Variants in PPP6R1 observed in about 807,000 individuals in gnomAD.
PPP6R1 encodes the protein protein phosphatase 6 regulatory subunit 1, also known as serine/threonine-protein phosphatase 6 regulatory subunit 1.
A neutral mutation model predicts 104.6 loss-of-function variants in PPP6R1; 39 were observed. The observed-to-expected ratio is 0.37, with a 90% confidence interval of 0.29 to 0.49. PPP6R1 has a LOEUF of 0.49. Among genes scored for constraint, PPP6R1 ranks in the 20% least tolerant of loss-of-function variants. PPP6R1 has a pLI of 0.98. For synonymous variants in PPP6R1, 549 were observed against 479.0 expected (o/e 1.15, Z -1.91); for missense variants, 1,181 against 1,155.8 (o/e 1.02, Z -0.32).
Position 55,245,714 on chromosome 19 carries a change from C to CGGGGGGG in PPP6R1, c.228-37_228-36insCCCCCCC. 9.8e-7 allele frequency: 1 copy of CGGGGGGG among 1,022,618 alleles called. No individual in the cohort carries two copies. Among genetic ancestry groups the CGGGGGGG allele is most frequent in the Non-Finnish European group, 1.4e-6 (1 of 699,048 alleles). 63.3% of individuals were successfully genotyped at this position (1,022,618 alleles called of 1,614,324 possible). ...AGCACAGGCGGGTGGGGGCTCGGGT[C>CGGGGGGG]GGAGGCCGGGGGCAGGGGGCGGCAA... On this transcript the variant is annotated intron_variant, in intron 2 of 23. Transcript: ENST00000412770. This position sits in a 1 kb window ranked among gnomAD's most constrained non-coding sequence, Gnocchi z 6.4.
intron 17 of PPP6R1, chr19:55,233,317 G>A (rs1354652164): frequency 6.6e-6 from 1 of 152,084 alleles, no homozygotes; most frequent in Non-Finnish European, 1.5e-5. Flanking sequence ...CCTAACATAA[G>A]GCATCTACAA....
chr19:55,240,555 A>ACACACACG (rs1568946427), intron 10 of PPP6R1, among the ~76,000 whole-genome samples: 1 of 147,536 alleles, frequency 6.8e-6, no homozygotes, highest in Non-Finnish European at 1.5e-5. Flanking sequence ...ACACACACAC[A>ACACACACG]CATGCATGCA....
At chr19:55,228,427 A>T, downstream of PPP6R1, 1 of 1,612,242 alleles carries the variant, frequency 6.2e-7, no homozygotes. Flanking sequence ...CCACCTGCAG[A>T]CATCTGGGCG....
chr19:55,229,042 CAG>C (rs2087312666), downstream of PPP6R1: 23 of 348,408 alleles, frequency 6.6e-5, no homozygotes, highest in South Asian at 9.6e-4. Flanking sequence ...CCCCAACAAT[CAG>C]AAGAGATGGG....
At chr19:55,253,546 G>C (rs1032933311) in intron 1 of PPP6R1, among the ~76,000 whole-genome samples, 1 of 152,108 alleles carries the variant, frequency 6.6e-6, no homozygotes, top group Admixed American at 6.5e-5. Flanking sequence ...CAAGAACTTC[G>C]GCCCTGAGAA....
intron 1 of PPP6R1, among the ~76,000 whole-genome samples, chr19:55,248,163 G>C (rs2087526081): frequency 6.6e-6 from 1 of 152,194 alleles, no homozygotes; most frequent in Non-Finnish European, 1.5e-5. Context: ...TTCCACTACA[G>C]ACCTGACCTG....
At chr19:55,242,990 C>T (rs1432183284) in intron 5 of PPP6R1, among the ~76,000 whole-genome samples, 1 of 151,900 alleles carries the variant, frequency 6.6e-6, no homozygotes, top group Non-Finnish European at 1.5e-5. Flanking sequence ...TGGTGGTTGC[C>T]GGGGGCTAAG....
In PPP6R1 at chr19:55,235,374, T is replaced by G. The variant is rs1168634615; in HGVS notation, c.1988+1269A>C. ...ACGTGTGAGAGCTAACACGAGGAAG[T>G]GAAGTGAAGGGATGAAGGAAGGAGA... is the stretch of plus-strand genomic sequence containing the variant. On this transcript the variant is annotated intron_variant, in intron 17 of 23. Transcript: ENST00000412770. 3.3e-5 allele frequency among the ~76,000 whole-genome samples: 5 copies of G among 151,716 alleles called. No individual in the cohort carries two copies. In the East Asian group the frequency reaches 7.7e-4, roughly 23 times the overall value.
chr19:55,232,444 C>G, intron 17 of PPP6R1: 1 of 506,802 alleles, frequency 2.0e-6, no homozygotes, highest in East Asian at 3.5e-5. Context: ...GTAAGGAGAC[C>G]GTCCGTCGCC....
At chr19:55,237,116 C>T in intron 15 of PPP6R1, 146 bp from the exon 16 acceptor site, 1 of 823,324 alleles carries the variant, frequency 1.2e-6, no homozygotes, top group South Asian at 1.5e-5. Flanking sequence ...ACAACCCGAA[C>T]CACTGGTCCT....
intron 15 of PPP6R1, 88 bp downstream of exon 15, chr19:55,239,317 T>A (rs1352958413): frequency 5.4e-6 from 7 of 1,304,532 alleles, no homozygotes; most frequent in African/African-American, 1.5e-5. Context: ...ACAGGGCATG[T>A]AGGTGCGTGC....
At position 55,236,824 on chromosome 19, in the gene PPP6R1, GC is replaced by G; in HGVS notation, c.1810-4del. On this transcript the variant is annotated splice_polypyrimidine_tract_variant and splice_region_variant and intron_variant, in intron 16 of 23. Coordinates refer to ENST00000412770, the MANE Select transcript of PPP6R1 (RefSeq NM_014931.4). ...ATCTCAAGTAGGTTGGCGTTGGGCT[GC>G]AGGGCACAGGGGTGGGAGGATGGGC... 1 of 1,613,826 alleles carries G rather than the reference GC, an allele frequency of 6.2e-7. No homozygotes were observed. The highest frequency in any genetic ancestry group is 8.5e-7 in the Non-Finnish European group (1 of 1,179,762).
In PPP6R1 at chr19:55,231,615, T is replaced by G; in HGVS notation, c.2360A>C (p.Lys787Thr). ...SAPQEATEGS[K>T]VTEPSAPCQA... ...GGGCTCACCTGAGGGCTCCGTGACT[T>G]TGCTGCCTTCTGTGGCTTCCTGAGG... is the stretch of plus-strand genomic sequence containing the variant. Residue 787 changes from lysine to threonine, a missense_variant, in exon 20 of 24, where the codon AAA becomes ACA. Lys to Thr is a moderately conservative substitution (Grantham distance 78). Transcript: ENST00000412770. The G allele has an allele frequency of 6.2e-7, 1 of 1,611,772 alleles. No homozygotes were observed. The highest frequency in any genetic ancestry group is 8.5e-7 in the Non-Finnish European group (1 of 1,179,020).
Position 55,236,678 on chromosome 19 carries a change from G to T in PPP6R1, c.1953C>A (p.Ala651=). The T allele has an allele frequency of 6.2e-7, 1 of 1,600,688 alleles. No homozygotes were observed. The highest frequency in any genetic ancestry group is 1.1e-5 in the South Asian group (1 of 88,872). ...GTGGCTGGCCCAGACGGGCCCCCCT[G>T]GCCAGCTGGCTGCCCTGCCAGGCGC... The part of the protein sequence containing the change: ...EDGAWQGSQL[A]RGARLGQPPG... Residue 651 remains alanine, a synonymous_variant, in exon 17 of 24, where the codon GCC becomes GCA. Transcript: ENST00000412770.
intron 21 of PPP6R1, 102 bp from the exon 22 acceptor site, chr19:55,230,986 CT>C: frequency 1.0e-6 from 1 of 991,320 alleles, no homozygotes; most frequent in Non-Finnish European, 1.5e-6. Flanking sequence ...GGGTGTGTGT[CT>C]GCCACCTGCC....
Position 55,239,441 on chromosome 19 carries a change from T to C in PPP6R1, c.1715A>G (p.Asn572Ser), listed in dbSNP as rs760757851. Residue 572 changes from asparagine to serine, a missense_variant, in exon 15 of 24, where the codon AAT (asparagine) becomes AGT (serine). By Grantham distance (46) the Asn-to-Ser change is conservative. This residue lies in a region of PPP6R1 where 1,042 missense variants were observed against 955.6 expected (regional missense o/e 1.09). Coordinates refer to ENST00000412770, the MANE Select transcript of PPP6R1 (RefSeq NM_014931.4). ...CTCCTGCTCCCCAAACTCCTCATCA[T>C]TGAAGCCGAAGTGGTCAATGAAGGC... ...TSAFIDHFGF[N>S]DEEFGEQEES... 6.2e-6 allele frequency: 10 copies of C among 1,613,868 alleles called. No homozygotes were observed. Among genetic ancestry groups the C allele is most frequent in the Non-Finnish European group, 7.6e-6 (9 of 1,179,878 alleles).
At chr19:55,230,739 C>G in intron 22 of PPP6R1, 35 bp downstream of exon 22, 1 of 1,457,438 alleles carries the variant, frequency 6.9e-7, no homozygotes, top group South Asian at 1.3e-5. Flanking sequence ...ACCAGCCCCA[C>G]CCCCACCCCC....
intron 1 of PPP6R1, among the ~76,000 whole-genome samples, chr19:55,253,069 C>A (rs934436494): frequency 2.3e-4 from 35 of 152,190 alleles, no homozygotes; most frequent in African/African-American, 7.7e-4. Flanking sequence ...CTTCCCCATC[C>A]CTCACCACCA....
chr19:55,258,554 C>T lies in PPP6R1; in HGVS notation c.-126G>A, dbSNP rs2087613662. ...CGGTGAGTGGGGGCGGGGGCGGCGT[C>T]GGGGACTCGCGCAGGCGCCGGGGCT... On this transcript the variant is annotated 5_prime_UTR_variant, in exon 1 of 24. Transcript: ENST00000412770. 1 of 149,824 alleles carries T rather than the reference C, an allele frequency of 6.7e-6. No homozygotes were observed. Among genetic ancestry groups the T allele is most frequent in the South Asian group, 2.1e-4 (1 of 4,822 alleles). The allele number at this position is 149,824 out of a possible 1,614,324, so 9.3% of individuals were successfully genotyped here.
Sources: allele counts gnomAD v4.1 joint callset (sites outside exome capture counted in the v4.1 genomes callset), GRCh38; gene constraint gnomAD v4.1.1; regional missense constraint gnomAD v4.1.1; non-coding constraint Gnocchi (gnomAD v3.1); transcripts MANE v1.5; gene names NCBI Gene and HGNC (gene_info 2026-07-23, HGNC 2026-07-21).